The following KIF13B variants were observed in gnomAD, a reference collection of about 807,000 sequenced individuals.
The protein encoded by KIF13B is kinesin-like protein KIF13B.
A neutral mutation model predicts 222.0 loss-of-function variants in KIF13B; 127 were observed. That is an observed-to-expected ratio of 0.57 (90% confidence interval 0.50 to 0.66). The LOEUF (loss-of-function observed/expected upper bound fraction) is 0.66. KIF13B is among the 30% of genes least tolerant of loss of function. KIF13B has a pLI of 0.00. For synonymous variants in KIF13B, 976 were observed against 919.0 expected, an observed-to-expected ratio of 1.06 and a Z score of -1.12; for missense variants, 2,173 against 2,379.0, an observed-to-expected ratio of 0.91 and a Z score of 1.80.
chr8:29,154,602 T>G (rs994261284), intron 14 of KIF13B, among the ~76,000 whole-genome samples: 16 of 152,164 alleles, frequency 1.1e-4, no homozygotes, highest in Non-Finnish European at 2.2e-4. Flanking sequence ...ACGCTGCAAC[T>G]GGTGAAGAAG....
intron 35 of KIF13B, among the ~76,000 whole-genome samples, chr8:29,105,650 G>GTTTTTTTTTTTT (rs869030059): frequency 3.8e-5 from 3 of 78,058 alleles, no homozygotes; most frequent in Admixed American, 2.1e-4. Context: ...AGTTTGTTTG[G>GTTTTTTTTTTTT]TTTTTTTTTT....
At position 29,127,605 on chromosome 8, in the gene KIF13B, A is replaced by T. The variant is rs138850808; in HGVS notation, c.3076-337T>A. On this transcript the variant is annotated intron_variant, in intron 24 of 39. Coordinates refer to ENST00000524189, the MANE Select transcript of KIF13B (RefSeq NM_015254.4). ...AATACAAATTAAATTAAAGCATGAC[A>T]CACCTGTATTTTCACTTCCTAAATT... 9.8e-5 allele frequency among the ~76,000 whole-genome samples: 15 copies of T among 152,350 alleles called. No individual in the cohort carries two copies. The East Asian group carries it at 2.9e-3, about 29-fold the overall frequency.
At chr8:29,136,863 G>A (rs965134170) in intron 21 of KIF13B, among the ~76,000 whole-genome samples, 1 of 142,484 alleles carries the variant, frequency 7.0e-6, no homozygotes, top group East Asian at 2.1e-4. Flanking sequence ...GCAGTGGTTC[G>A]ATCTTGGCTC....
Position 29,147,589 on chromosome 8 carries a change from G to A in KIF13B, c.1827C>T (p.Ser609=), listed in dbSNP as rs1371773697. ...KALGSNDPMQ[S]ILNSLEQQHE... ...GCTGTTGTTCTAAGCTGTTTAATATGGACTGCATCGGATCTAAACACATTT... is the reference window on the plus strand; with the variant it reads ...GCTGTTGTTCTAAGCTGTTTAATATAGACTGCATCGGATCTAAACACATTT... The change falls in exon 17 of 40, where the codon TCC becomes TCT. Residue 609 remains serine (S), a synonymous_variant. Coordinates refer to ENST00000524189, the MANE Select transcript of KIF13B (RefSeq NM_015254.4). The A allele has an allele frequency of 1.2e-6, 2 of 1,610,240 alleles. No individual in the cohort carries two copies.
chr8:29,144,993 C>T (rs1810993772), intron 18 of KIF13B, among the ~76,000 whole-genome samples: 1 of 152,134 alleles, frequency 6.6e-6, no homozygotes, highest in Admixed American at 6.5e-5. Context: ...AAAAATCTTT[C>T]AGGTTTCTGC....
Position 29,072,246 on chromosome 8 carries a change from T to C in KIF13B, c.4592A>G (p.Lys1531Arg). Residue 1531 changes from lysine (K) to arginine (R), a missense_variant, in exon 39 of 40, where the codon AAA (lysine) becomes AGA (arginine). Coordinates refer to ENST00000524189, the MANE Select transcript of KIF13B (RefSeq NM_015254.4). Reference protein sequence around the residue: ...MGAPALKICDKPAKVPSPPPV... With the variant: ...MGAPALKICDRPAKVPSPPPV... ...CGGTGGGGAAGGCACTTTGGCAGGT[T>C]TGTCGCAGATCTTCAAGGCCGGGGC... The C allele has an allele frequency of 6.8e-7, 1 of 1,470,710 alleles. No individual in the cohort carries two copies. The highest frequency in any genetic ancestry group is 9.0e-7 in the Non-Finnish European group (1 of 1,111,888). The allele number at this position is 1,470,710 out of a possible 1,614,324, so 91.1% of individuals were successfully genotyped here. A position where few individuals can be genotyped will look rare whatever the true frequency, so the allele number is the denominator to read the frequency against.
chr8:29,094,732 C>T (rs550185019), intron 36 of KIF13B, among the ~76,000 whole-genome samples: 1 of 152,076 alleles, frequency 6.6e-6, no homozygotes, highest in African/African-American at 2.4e-5. Flanking sequence ...ATTTAACAGA[C>T]AACGACTTTA....
chr8:29,128,025 C>A (rs1339473076), intron 24 of KIF13B, among the ~76,000 whole-genome samples: 1 of 150,374 alleles, frequency 6.7e-6, no homozygotes, highest in Non-Finnish European at 1.5e-5. Flanking sequence ...AATATAAAAT[C>A]AGTAAATATA....
Position 29,165,743 on chromosome 8 carries a change from C to T in KIF13B, c.1188G>A (p.Arg396=). Residue 396 remains arginine, a synonymous_variant, in exon 12 of 40, where the codon CGG becomes CGA. Coordinates refer to ENST00000524189, the MANE Select transcript of KIF13B (RefSeq NM_015254.4). ...EAMKSPELKD[R]LEESEKLIQE... ...GGATTAGCTTCTCAGATTCTTCCAG[C>T]CGGTCCTTTAGCTCTGGAGATTTCA... 1 of 1,613,612 alleles carries T rather than the reference C, an allele frequency of 6.2e-7. No individual in the cohort carries two copies.
chr8:29,170,205 T>C (rs1227642496), intron 10 of KIF13B, among the ~76,000 whole-genome samples: 1 of 152,210 alleles, frequency 6.6e-6, no homozygotes, highest in Admixed American at 6.5e-5. Flanking sequence ...AACAGCAAAT[T>C]AAATAGTCAT....
intron 37 of KIF13B, among the ~76,000 whole-genome samples, chr8:29,086,458 C>T (rs989778315): frequency 2.6e-5 from 4 of 152,116 alleles, no homozygotes; most frequent in African/African-American, 4.8e-5. Flanking sequence ...GAGTTCAAGG[C>T]GGCAGTAAGC....
At chr8:29,132,164 T>TGA in intron 23 of KIF13B, 144 bp downstream of exon 23, 1 of 457,210 alleles carries the variant, frequency 2.2e-6, no homozygotes, top group Non-Finnish European at 3.6e-6. Flanking sequence ...GAGAATTGCT[T>TGA]ACTCCCAGGA....
chr8:29,079,160 G>A (rs748181418), intron 37 of KIF13B, among the ~76,000 whole-genome samples: 5 of 152,072 alleles, frequency 3.3e-5, no homozygotes, highest in African/African-American at 9.7e-5. Flanking sequence ...CTCAATGGAC[G>A]GCTTTTCCAT....
At chr8:29,117,319 T>A (rs1376672320) in intron 30 of KIF13B, among the ~76,000 whole-genome samples, 2 of 152,202 alleles carry the variant, frequency 1.3e-5, no homozygotes, top group Non-Finnish European at 2.9e-5. Flanking sequence ...ACGCACCAAC[T>A]GCTACCATTT....
intron 38 of KIF13B, 120 bp downstream of exon 38, chr8:29,075,161 A>T (rs2133480507): frequency 1.3e-6 from 1 of 775,012 alleles, no homozygotes; most frequent in African/African-American, 1.7e-5. Context: ...CTATATTATA[A>T]CTAATTACCA....
intron 2 of KIF13B, among the ~76,000 whole-genome samples, chr8:29,200,712 T>C (rs1813657038): frequency 6.6e-6 from 1 of 152,172 alleles, no homozygotes; most frequent in Admixed American, 6.5e-5. Flanking sequence ...AGACCTTGTG[T>C]TACATATACT....
At chr8:29,155,587 C>G in intron 14 of KIF13B, 139 bp downstream of exon 14, 1 of 658,508 alleles carries the variant, frequency 1.5e-6, no homozygotes, top group Non-Finnish European at 2.6e-6. Context: ...GGCATTAAAG[C>G]TAAATGTAAG....
chr8:29,097,989 G>A (rs1391639803), intron 36 of KIF13B, among the ~76,000 whole-genome samples: 1 of 151,362 alleles, frequency 6.6e-6, no homozygotes, highest in Non-Finnish European at 1.5e-5. Context: ...GGCTAACATG[G>A]TGAAACTCCG....
chr8:29,214,056 C>T (rs1051831804), intron 2 of KIF13B, among the ~76,000 whole-genome samples: 1 of 152,162 alleles, frequency 6.6e-6, no homozygotes, highest in African/African-American at 2.4e-5. Flanking sequence ...ACCATCAATG[C>T]AGTTTGCAGG....
Sources: allele counts gnomAD v4.1 joint callset (sites outside exome capture counted in the v4.1 genomes callset), GRCh38; gene constraint gnomAD v4.1.1; transcripts MANE v1.5; gene names NCBI Gene and HGNC (gene_info 2026-07-23, HGNC 2026-07-21).